Variants in CFAP20DC observed in about 807,000 individuals in gnomAD.
CFAP20DC encodes the protein protein CFAP20DC.
In CFAP20DC, 84 loss-of-function variants were observed where a neutral mutation model predicts 101.7. That is an observed-to-expected ratio of 0.83 (90% CI 0.69 to 0.99). CFAP20DC has a LOEUF of 0.99. Among genes scored for constraint, CFAP20DC ranks in the 50% least tolerant of loss-of-function variants. The pLI is 0.00. For missense variants in CFAP20DC, 1,007 were observed against 970.3 expected (o/e 1.04, Z -0.50); for synonymous variants, 359 against 351.2 (o/e 1.02, Z -0.25).
At chr3:58,792,614 CAAAAT>C (rs2072944928) in intron 15 of CFAP20DC, among the ~76,000 whole-genome samples, 1 of 151,222 alleles carries the variant, frequency 6.6e-6, no homozygotes, top group African/African-American at 2.4e-5. Context: ...TGTAATAATA[CAAAAT>C]AAAATAAGTA....
At chr3:58,747,359 C>T (rs1262404852) in intron 16 of CFAP20DC, among the ~76,000 whole-genome samples, 2 of 152,132 alleles carry the variant, frequency 1.3e-5, no homozygotes, top group Non-Finnish European at 2.9e-5. Flanking sequence ...ATAATCCCTC[C>T]AGTTCACCTT....
At chr3:58,880,044 A>G (rs916077279) in intron 7 of CFAP20DC, among the ~76,000 whole-genome samples, 3 of 152,040 alleles carry the variant, frequency 2.0e-5, no homozygotes, top group Non-Finnish European at 2.9e-5. Context: ...TTCAAAATAC[A>G]GAAGAGTATA....
intron 15 of CFAP20DC, among the ~76,000 whole-genome samples, chr3:58,759,290 G>A (rs1177110494): frequency 6.6e-6 from 1 of 152,238 alleles, no homozygotes; most frequent in African/African-American, 2.4e-5. Context: ...GATGGCCAGT[G>A]ATGGTGAGCA....
intron 7 of CFAP20DC, among the ~76,000 whole-genome samples, chr3:58,873,381 G>A (rs1003959501): frequency 5.3e-5 from 8 of 150,318 alleles, no homozygotes; most frequent in Non-Finnish European, 7.4e-5. Flanking sequence ...GCAGAATTCC[G>A]GATAGCTATT....
intron 14 of CFAP20DC, among the ~76,000 whole-genome samples, chr3:58,817,252 C>T (rs977841282): frequency 2.0e-4 from 31 of 152,188 alleles, no homozygotes; most frequent in Admixed American, 2.0e-4. Context: ...TCCAAAGGAA[C>T]GCAGTTCCTC....
rs571119493 is a variant in CFAP20DC at position 59,002,114 on chromosome 3, T to C, written c.278+37443A>G. Among the ~76,000 whole-genome samples the C allele has an allele frequency of 1.3e-5, 2 of 152,244 alleles. No individual in the cohort carries two copies. Among genetic ancestry groups the C allele is most frequent in the African/African-American group, 4.8e-5 (2 of 41,536 alleles). ...ATTGTCAGAGCCTGAAAGAACTGAGTTGGGGATCCCAGCTCTGTTATCCCA... is the reference window on the plus strand; with the variant it reads ...ATTGTCAGAGCCTGAAAGAACTGAGCTGGGGATCCCAGCTCTGTTATCCCA... On this transcript the variant is annotated intron_variant, in intron 4 of 16. Transcript: ENST00000482387. This position sits in a 1 kb window ranked among gnomAD's most constrained non-coding sequence, Gnocchi z 4.5.
At chr3:58,814,674 T>C (rs1316738452) in intron 14 of CFAP20DC, among the ~76,000 whole-genome samples, 1 of 150,772 alleles carries the variant, frequency 6.6e-6, no homozygotes, top group Non-Finnish European at 1.5e-5. Flanking sequence ...GGATACAAAA[T>C]CAATGTACAA....
At chr3:58,847,587 A>C (rs1243809777) in intron 13 of CFAP20DC, among the ~76,000 whole-genome samples, 1 of 152,164 alleles carries the variant, frequency 6.6e-6, no homozygotes, top group African/African-American at 2.4e-5. Context: ...AACTAGTTCA[A>C]CCGTTGTGGA....
rs905127071 is a variant in CFAP20DC, at chr3:58,882,205, T to C, written c.715+2340A>G. The stretch of plus-strand genomic sequence containing the variant: ...CACTACTATGCATTGAGAGCCCTTT[T>C]ATGGAAATTGCAAAATATATATTAA... On this transcript the variant is annotated intron_variant, in intron 7 of 16. Transcript: ENST00000482387. The surrounding 1 kb of genome is among the most constrained non-coding windows in gnomAD (Gnocchi z 4.2). Among the ~76,000 whole-genome samples the C allele has an allele frequency of 6.6e-6, 1 of 152,162 alleles. No homozygotes were observed. Among genetic ancestry groups the C allele is most frequent in the African/African-American group, 2.4e-5 (1 of 41,456 alleles).
intron 4 of CFAP20DC, among the ~76,000 whole-genome samples, chr3:59,035,823 G>C (rs2365404): frequency 0.19 from 29,256 of 151,950 alleles, 2,886 homozygotes; most frequent in African/African-American, 0.22. Context: ...AGAAAAAGAG[G>C]GACTCCTCCC....
chr3:58,770,687 G>C (rs2070762068), intron 15 of CFAP20DC, among the ~76,000 whole-genome samples: 1 of 152,204 alleles, frequency 6.6e-6, no homozygotes, highest in Admixed American at 6.5e-5. Flanking sequence ...AGGATGCTTA[G>C]ATGGCAAACT....
intron 15 of CFAP20DC, among the ~76,000 whole-genome samples, chr3:58,805,590 G>C (rs1051648231): frequency 6.6e-6 from 1 of 152,324 alleles, no homozygotes; most frequent in East Asian, 1.9e-4. Flanking sequence ...GGTCAGATGC[G>C]TTTGGATAAT....
Position 58,868,657 on chromosome 3 carries a change from A to ATTTCAG in CFAP20DC, c.1015+665_1015+670dup, listed in dbSNP as rs1369804179. Reference sequence around the variant, plus strand: ...TGGATTTCTATCTATCCATTTCCTTATTTCAGTTTCATACTCCACGAGGGA... The same window carrying ATTTCAG: ...TGGATTTCTATCTATCCATTTCCTTATTTCAGTTTCAGTTTCATACTCCACGAGGGA... On this transcript the variant is annotated intron_variant, in intron 9 of 16. Transcript: ENST00000482387. This position sits in a 1 kb window ranked among gnomAD's most constrained non-coding sequence, Gnocchi z 4.6. Among the ~76,000 whole-genome samples the ATTTCAG allele has an allele frequency of 6.6e-6, 1 of 152,108 alleles. No homozygotes were observed.
chr3:58,921,555 C>CT (rs1474020453), intron 5 of CFAP20DC, among the ~76,000 whole-genome samples: 1 of 152,000 alleles, frequency 6.6e-6, no homozygotes, highest in Non-Finnish European at 1.5e-5. Flanking sequence ...ATCCAATTAT[C>CT]TTTTTTATTG....
chr3:58,976,486 TGAAA>T, intron 4 of CFAP20DC, among the ~76,000 whole-genome samples: 1 of 152,282 alleles, frequency 6.6e-6, no homozygotes, highest in East Asian at 1.9e-4. Flanking sequence ...ACCTGTGTCC[TGAAA>T]GTGCCTGGGG....
intron 3 of CFAP20DC, among the ~76,000 whole-genome samples, chr3:58,733,366 CA>C (rs138192703): frequency 2.0e-5 from 3 of 148,756 alleles, no homozygotes; most frequent in Admixed American, 1.3e-4. Flanking sequence ...ATAAAAAAAA[CA>C]AAAAAAAACT....
chr3:58,919,721 T>C (rs111310980), intron 5 of CFAP20DC, among the ~76,000 whole-genome samples: 40 of 152,328 alleles, frequency 2.6e-4, no homozygotes, highest in African/African-American at 9.4e-4. Flanking sequence ...TATATACATA[T>C]ACATTGTTGA....
intron 5 of CFAP20DC, among the ~76,000 whole-genome samples, chr3:58,930,538 T>A (rs2086497235): frequency 1.3e-5 from 2 of 152,214 alleles, no homozygotes; most frequent in African/African-American, 4.8e-5. Flanking sequence ...CTTTGTCAGT[T>A]TTCCTTCAGT....
chr3:58,730,018 C>CAAAAAAAAAAAAAAAA, intron 3 of CFAP20DC, among the ~76,000 whole-genome samples: 1 of 53,512 alleles, frequency 1.9e-5, no homozygotes, highest in Non-Finnish European at 4.1e-5. Flanking sequence ...AACCTGTCTC[C>CAAAAAAAAAAAAAAAA]AAAAAAAAAA....
Sources: allele counts gnomAD v4.1 joint callset (sites outside exome capture counted in the v4.1 genomes callset), GRCh38; gene constraint gnomAD v4.1.1; non-coding constraint Gnocchi (gnomAD v3.1); transcripts MANE v1.5; gene names NCBI Gene and HGNC (gene_info 2026-07-23, HGNC 2026-07-21).